The following MTMR3 variants were observed in gnomAD, a reference collection of about 807,000 sequenced individuals.
MTMR3 encodes the protein myotubularin related protein 3.
A neutral mutation model predicts 132.4 loss-of-function variants in MTMR3; 32 were observed. The ratio of observed to expected loss-of-function variants is 0.24; its 90% confidence interval spans 0.18 to 0.32. MTMR3 has a LOEUF of 0.32. MTMR3 is among the 10% of genes least tolerant of loss of function. MTMR3 has a pLI of 1.00. For missense variants in MTMR3, 1,216 were observed against 1,489.6 expected (o/e 0.82, Z 3.02); for synonymous variants, 556 against 550.3 (o/e 1.01, Z -0.14).
intron 9 of MTMR3, chr22:30,004,201 C>G (rs2067230428): frequency 6.6e-6 from 1 of 152,172 alleles, no homozygotes; most frequent in South Asian, 2.1e-4. Context: ...ACCTGTCATT[C>G]AAGTGGTAAG....
At chr22:29,928,806 C>T (rs1428239373) in intron 1 of MTMR3, among the ~76,000 whole-genome samples, 3 of 152,132 alleles carry the variant, frequency 2.0e-5, no homozygotes, top group Non-Finnish European at 4.4e-5. Context: ...TGAGCCACCA[C>T]TCCTGGCTCA....
At chr22:29,994,063 T>C in intron 7 of MTMR3, 1 of 967,204 alleles carries the variant, frequency 1.0e-6, no homozygotes, top group Non-Finnish European at 1.2e-6. Flanking sequence ...GATCCAGGTA[T>C]CCTGAAGATC....
chr22:29,981,451 T>A (rs926148093), intron 5 of MTMR3: 5 of 152,246 alleles, frequency 3.3e-5, no homozygotes, highest in African/African-American at 1.2e-4. Flanking sequence ...CCACTGTTCT[T>A]TCTTTTGATC....
chr22:30,007,741 TAGAAAAAA>T (rs2067304292), intron 10 of MTMR3, 152 bp from the exon 11 acceptor site: 1 of 834,366 alleles, frequency 1.2e-6, no homozygotes, highest in Non-Finnish European at 1.8e-6. Context: ...GAAGGCCACA[TAGAAAAAA>T]AGAGAAAAAT....
At position 30,025,705 on chromosome 22, in the gene MTMR3, C is replaced by A. The variant is rs752868272; in HGVS notation, c.3501C>A (p.Pro1167=). 1.3e-5 allele frequency: 21 copies of A among 1,614,178 alleles called. No individual in the cohort carries two copies. The highest frequency in any genetic ancestry group is 1.7e-5 in the Non-Finnish European group (20 of 1,180,010). The part of the protein sequence containing the change: ...VPVPSQQLFE[P]SRVCKSCYSS... The stretch of plus-strand genomic sequence containing the variant: ...TTCCCAGCCAGCAGCTCTTTGAACC[C>A]AGTCGAGTATGCAAGTCTTGCTATA... The change falls in exon 20 of 20, where the codon CCC becomes CCA. Residue 1167 remains proline (P), a synonymous_variant. Coordinates refer to ENST00000401950, the MANE Select transcript of MTMR3 (RefSeq NM_021090.4).
intron 5 of MTMR3, chr22:29,984,649 A>C (rs1962269763): frequency 1.3e-5 from 2 of 152,242 alleles, no homozygotes; most frequent in Admixed American, 6.5e-5. Flanking sequence ...AGGTGGAGAG[A>C]TAGAGGAGAG....
chr22:29,899,525 T>C (rs2064965084), intron 1 of MTMR3: 1 of 152,200 alleles, frequency 6.6e-6, no homozygotes, highest in Non-Finnish European at 1.5e-5. Context: ...ATTGATTAGT[T>C]CATCCCATTC....
At chr22:29,966,678 A>G (rs1438833456) in intron 2 of MTMR3, among the ~76,000 whole-genome samples, 1 of 152,074 alleles carries the variant, frequency 6.6e-6, no homozygotes, top group East Asian at 1.9e-4. Context: ...TTTCAAAAAT[A>G]AAAGGTTAGT....
intron 1 of MTMR3, among the ~76,000 whole-genome samples, chr22:29,909,253 G>T (rs376902498): frequency 2.0e-5 from 3 of 152,142 alleles, no homozygotes; most frequent in South Asian, 4.2e-4. Context: ...TATAATTTGA[G>T]AACACAGATT....
intron 1 of MTMR3, among the ~76,000 whole-genome samples, chr22:29,934,222 C>T (rs549840009): frequency 9.9e-5 from 15 of 152,060 alleles, no homozygotes; most frequent in African/African-American, 3.4e-4. Flanking sequence ...GGCATTGTGG[C>T]GGGCACCTGT....
intron 1 of MTMR3, among the ~76,000 whole-genome samples, chr22:29,927,205 C>T (rs2065534406): frequency 6.6e-6 from 1 of 152,128 alleles, no homozygotes; most frequent in African/African-American, 2.4e-5. Context: ...AAATTCTATT[C>T]CATTGATCTG....
Position 30,025,574 on chromosome 22 carries a change from C to T in MTMR3, c.3426-56C>T, listed in dbSNP as rs528815625. The T allele has an allele frequency of 2.2e-4, 348 of 1,589,222 alleles. 6 individuals carry two copies. The South Asian group carries it at 3.6e-3, about 17-fold the overall frequency. ...AAAGTTTGTCTTTTGAAGTTGGTTT[C>T]CCTCCGCATACCTGCTGGCCAAAAC... On this transcript the variant is annotated intron_variant, in intron 19 of 19. Coordinates refer to ENST00000401950, the MANE Select transcript of MTMR3 (RefSeq NM_021090.4).
At chr22:29,949,346 C>T (rs1161940215) in intron 1 of MTMR3, among the ~76,000 whole-genome samples, 1 of 151,752 alleles carries the variant, frequency 6.6e-6, no homozygotes, top group Non-Finnish European at 1.5e-5. Flanking sequence ...AAAAATTAGC[C>T]TGGTGTGGTG....
chr22:29,992,281 T>C lies in MTMR3; in HGVS notation c.460+611T>C, dbSNP rs2066977939. On this transcript the variant is annotated intron_variant, in intron 7 of 19. Transcript: ENST00000401950. ...TTTTAGTAGAGACGGGGTTTCTCCA[T>C]GTTGGTCAGGCTGGTCTCAGGTGAT... 4 of 152,418 alleles carry C rather than the reference T, an allele frequency of 2.6e-5. 1 individual carries two copies. The highest frequency in any genetic ancestry group is 2.0e-4 in the Admixed American group (3 of 15,278). The allele number at this position is 152,418 out of a possible 1,614,324, so 9.4% of individuals were successfully genotyped here.
chr22:29,932,260 T>C (rs1427724435), intron 1 of MTMR3, among the ~76,000 whole-genome samples: 1 of 152,188 alleles, frequency 6.6e-6, no homozygotes, highest in Non-Finnish European at 1.5e-5. Flanking sequence ...ACACCCATAT[T>C]AATATACAGA....
In MTMR3 at chr22:29,991,845, TCCGGGGAAGGGAAGAACACTAGA is replaced by T. The variant is rs1456184490; in HGVS notation, c.460+176_460+198del. On this transcript the variant is annotated intron_variant, in intron 7 of 19. Transcript: ENST00000401950. ...GCTTAATAGAACATCTTTTCTGCCTTCCGGGGAAGGGAAGAACACTAGAAGGCATCACAATCTATTGGGCCTAA... is the reference window on the plus strand; with the variant it reads ...GCTTAATAGAACATCTTTTCTGCCTTAGGCATCACAATCTATTGGGCCTAA... The T allele has an allele frequency of 6.4e-5, 38 of 597,644 alleles. 1 individual carries two copies. The Middle Eastern group carries it at 4.2e-3, about 66-fold the overall frequency. The allele number at this position is 597,644 out of a possible 1,614,324, so 37.0% of individuals were successfully genotyped here. A position where few individuals can be genotyped will look rare whatever the true frequency, so the allele number is the denominator to read the frequency against.
chr22:29,896,912 C>CACACACACACACACACCA (rs2064912373), intron 1 of MTMR3, among the ~76,000 whole-genome samples: 1 of 150,040 alleles, frequency 6.7e-6, no homozygotes, highest in Non-Finnish European at 1.5e-5. Flanking sequence ...CATACACACA[C>CACACACACACACACACCA]ACAAATCCCA....
chr22:30,013,861 A>T, intron 14 of MTMR3: 2 of 230,388 alleles, frequency 8.7e-6, no homozygotes, highest in Middle Eastern at 1.8e-3. Flanking sequence ...TGTCTACCAG[A>T]CCCCCATGAC....
intron 2 of MTMR3, among the ~76,000 whole-genome samples, chr22:29,968,253 A>G (rs1222129130): frequency 1.3e-5 from 2 of 152,296 alleles, no homozygotes; most frequent in Non-Finnish European, 2.9e-5. Flanking sequence ...TGACATTAGT[A>G]TCTTCCTCAC....
Sources: gnomAD v4.1 joint callset for allele counts (sites outside exome capture counted in the v4.1 genomes callset) on GRCh38, gnomAD v4.1.1 for gene constraint, MANE v1.5 for transcripts, NCBI Gene and HGNC (gene_info 2026-07-23, HGNC 2026-07-21) for gene names.